DCC: variants seen among roughly 807,000 people sequenced by gnomAD.
DCC encodes the protein DCC netrin 1 receptor, also known as netrin receptor DCC.
A neutral mutation model predicts 172.5 loss-of-function variants in DCC; 58 were observed. The ratio of observed to expected loss-of-function variants is 0.34; its 90% CI spans 0.27 to 0.42. The LOEUF (loss-of-function observed/expected upper bound fraction) is 0.42. Among genes scored for constraint, DCC ranks in the 10% least tolerant of loss-of-function variants. DCC has a pLI of 1.00. For synonymous variants in DCC, 709 were observed against 644.5 expected (o/e 1.10, Z -1.52); for missense variants, 1,740 against 1,791.0 (o/e 0.97, Z 0.51).
intron 4 of DCC, among the ~76,000 whole-genome samples, chr18:52,924,919 C>T (rs955118372): frequency 6.6e-6 from 1 of 151,944 alleles, no homozygotes; most frequent in African/African-American, 2.4e-5. Flanking sequence ...TACCACTTCT[C>T]TAGACCTCGA....
At chr18:53,091,707 A>G (rs890029029) in intron 7 of DCC, among the ~76,000 whole-genome samples, 8 of 151,928 alleles carry the variant, frequency 5.3e-5, no homozygotes, top group African/African-American at 1.9e-4. Flanking sequence ...ATAACCTCCC[A>G]AAAGCCTCAC....
At chr18:52,575,294 T>C (rs1213543859) in intron 1 of DCC, among the ~76,000 whole-genome samples, 1 of 152,194 alleles carries the variant, frequency 6.6e-6, no homozygotes, top group African/African-American at 2.4e-5. Context: ...TACTAAAATA[T>C]ACATACTCTA....
At chr18:53,233,648 TA>T (rs1194466855) in intron 12 of DCC, among the ~76,000 whole-genome samples, 1 of 152,224 alleles carries the variant, frequency 6.6e-6, no homozygotes, top group Non-Finnish European at 1.5e-5. Context: ...TGATTTTACT[TA>T]AAACTCTTCC....
intron 15 of DCC, among the ~76,000 whole-genome samples, chr18:53,351,350 CACAGT>C (rs373896214): frequency 0.068 from 2,807 of 41,332 alleles, 214 homozygotes; most frequent in Non-Finnish European, 0.12. Flanking sequence ...TATATATATA[CACAGT>C]ATATATATAT....
intron 14 of DCC, among the ~76,000 whole-genome samples, chr18:53,334,046 G>A (rs1435238014): frequency 6.6e-6 from 1 of 152,054 alleles, no homozygotes; most frequent in Admixed American, 6.6e-5. Flanking sequence ...CCCTTTTCCT[G>A]CACCACTCAC....
chr18:53,135,099 G>C (rs1204809852), intron 7 of DCC, among the ~76,000 whole-genome samples: 1 of 152,050 alleles, frequency 6.6e-6, no homozygotes, highest in South Asian at 2.1e-4. Flanking sequence ...ATTTGTAATG[G>C]ATTTTCCAAG....
chr18:52,895,642 A>G (rs1401124003), intron 2 of DCC, among the ~76,000 whole-genome samples: 3 of 152,230 alleles, frequency 2.0e-5, no homozygotes, highest in Admixed American at 6.5e-5. Context: ...TGGATATACT[A>G]TAATTTGCTT....
chr18:52,755,782 T>C (rs1403519279), intron 2 of DCC, among the ~76,000 whole-genome samples: 6 of 152,194 alleles, frequency 3.9e-5, no homozygotes, highest in East Asian at 1.9e-4. Flanking sequence ...TATTAAATAA[T>C]GTCCCTCTTC....
At chr18:53,189,624 C>G (rs769908964) in intron 9 of DCC, among the ~76,000 whole-genome samples, 1 of 152,174 alleles carries the variant, frequency 6.6e-6, no homozygotes, top group African/African-American at 2.4e-5. Context: ...ACAGACATCC[C>G]TAGTGTCCTT....
chr18:52,694,447 G>C (rs1466147140), intron 1 of DCC, among the ~76,000 whole-genome samples: 1 of 152,020 alleles, frequency 6.6e-6, no homozygotes, highest in Non-Finnish European at 1.5e-5. Context: ...GAAGGTGTTG[G>C]TCCAAATGGC....
chr18:52,680,389 T>C (rs925658812), intron 1 of DCC, among the ~76,000 whole-genome samples: 1 of 152,086 alleles, frequency 6.6e-6, no homozygotes, highest in African/African-American at 2.4e-5. Context: ...CCAGCTAACC[T>C]TCCTTGTCCA....
At chr18:53,403,238 A>G (rs1376200552) in intron 19 of DCC, among the ~76,000 whole-genome samples, 3 of 152,180 alleles carry the variant, frequency 2.0e-5, no homozygotes, top group Admixed American at 6.6e-5. Context: ...AAATGTCTAT[A>G]AAGAAGCTGG....
At chr18:53,104,555 G>C (rs2043217963) in intron 7 of DCC, among the ~76,000 whole-genome samples, 1 of 151,894 alleles carries the variant, frequency 6.6e-6, no homozygotes, top group Non-Finnish European at 1.5e-5. Flanking sequence ...TCTCAGGTTT[G>C]TCTTTATCAC....
intron 2 of DCC, among the ~76,000 whole-genome samples, chr18:52,855,125 A>ACCATCCT (rs2039032677): frequency 6.6e-6 from 1 of 152,176 alleles, no homozygotes; most frequent in South Asian, 2.1e-4. Context: ...GAATAGCCTA[A>ACCATCCT]CCATCCTCAT....
At position 52,872,978 on chromosome 18, in the gene DCC, GA is replaced by G. The variant is rs1272088759; in HGVS notation, c.413-33062del. ...ACGAACTAATGAAAAAAGGCTTTTAGAAAATATTTAAATTATCCCAGATAAA... is the reference window on the plus strand; with the variant it reads ...ACGAACTAATGAAAAAAGGCTTTTAGAAATATTTAAATTATCCCAGATAAA... On this transcript the variant is annotated intron_variant, in intron 2 of 28. Coordinates refer to ENST00000442544, the MANE Select transcript of DCC (RefSeq NM_005215.4). Among the ~76,000 whole-genome samples the G allele has an allele frequency of 3.9e-5, 6 of 152,266 alleles. No individual in the cohort carries two copies. The East Asian group carries it at 7.7e-4, about 20-fold the overall frequency.
chr18:52,965,896 A>G (rs1399140687), intron 5 of DCC, among the ~76,000 whole-genome samples: 1 of 152,018 alleles, frequency 6.6e-6, no homozygotes, highest in Non-Finnish European at 1.5e-5. Flanking sequence ...TATACAAACT[A>G]CCCATGGGCA....
intron 12 of DCC, among the ~76,000 whole-genome samples, chr18:53,277,475 G>A (rs2056819623): frequency 6.6e-6 from 1 of 152,166 alleles, no homozygotes; most frequent in Non-Finnish European, 1.5e-5. Context: ...CATTCCAATA[G>A]TTGACAGTAG....
chr18:52,985,028 A>G (rs1023727648), intron 5 of DCC, among the ~76,000 whole-genome samples: 3 of 152,178 alleles, frequency 2.0e-5, no homozygotes, highest in African/African-American at 7.2e-5. Context: ...TCCTATTATT[A>G]AAGTGAAAAT....
At chr18:52,995,930 T>C in intron 5 of DCC, among the ~76,000 whole-genome samples, 1 of 151,764 alleles carries the variant, frequency 6.6e-6, no homozygotes, top group East Asian at 1.9e-4. Context: ...TGAAGTTGCA[T>C]TCAGTTCAAG....
Sources: gnomAD v4.1 joint callset for allele counts (sites outside exome capture counted in the v4.1 genomes callset) on GRCh38, gnomAD v4.1.1 for gene constraint, MANE v1.5 for transcripts, NCBI Gene and HGNC (gene_info 2026-07-23, HGNC 2026-07-21) for gene names.